CEP170: variants seen among roughly 807,000 people sequenced by gnomAD.
CEP170 encodes centrosomal protein of 170 kDa.
A neutral mutation model predicts 151.9 loss-of-function variants in CEP170; 21 were observed. The ratio of observed to expected loss-of-function variants is 0.14; its 90% CI spans 0.10 to 0.20. CEP170 has a LOEUF of 0.20. Among genes scored for constraint, CEP170 ranks in the 10% least tolerant of loss-of-function variants. The pLI, the probability that CEP170 is intolerant of heterozygous loss-of-function variation, is 1.00. For synonymous variants in CEP170, 356 were observed against 648.8 expected (o/e 0.55, Z 6.86); for missense variants, 964 against 1,892.9 (o/e 0.51, Z 9.11).
chr1:243,169,907 T>C (rs2058710515), intron 11 of CEP170, among the ~76,000 whole-genome samples, 153 bp from the exon 12 acceptor site: 1 of 152,136 alleles, frequency 6.6e-6, no homozygotes, highest in Non-Finnish European at 1.5e-5. Flanking sequence ...TTCTCTTATA[T>C]AAAATAAAAA....
intron 3 of CEP170, among the ~76,000 whole-genome samples, chr1:243,217,199 G>A (rs370345771): frequency 1.3e-5 from 2 of 152,128 alleles, no homozygotes; most frequent in African/African-American, 2.4e-5. Context: ...GTGGTCTGCC[G>A]TTATGGGATG....
In CEP170 at chr1:243,165,207, G is replaced by C; in HGVS notation, c.2753C>G (p.Pro918Arg). 6.2e-7 allele frequency: 1 copy of C among 1,613,302 alleles called. No homozygotes were observed. The highest frequency in any genetic ancestry group is 8.5e-7 in the Non-Finnish European group (1 of 1,179,592). ...LREDNKTDEGPDTPSYNRDNS... is the reference protein window; with the variant it reads ...LREDNKTDEGRDTPSYNRDNS... Reference sequence around the variant, plus strand: ...GTCTCTATTATAACTGGGAGTATCTGGTCCTTCATCAGTTTTATTATCTTC... The same window carrying C: ...GTCTCTATTATAACTGGGAGTATCTCGTCCTTCATCAGTTTTATTATCTTC... The change falls in exon 13 of 20, where the codon CCA becomes CGA. Residue 918 changes from proline (P) to arginine (R), a missense_variant. Physicochemically the swap from Pro to Arg is moderately radical, Grantham distance 103. Coordinates refer to ENST00000366542, the MANE Select transcript of CEP170 (RefSeq NM_014812.3).
Position 243,252,277 on chromosome 1 carries a change from T to C in CEP170, c.-42+2763A>G, listed in dbSNP as rs187294292. 3.3e-5 allele frequency among the ~76,000 whole-genome samples: 5 copies of C among 152,300 alleles called. No homozygotes were observed. In the East Asian group the frequency reaches 7.7e-4, roughly 23 times the overall value. ...ATCAGGTTGTCTGTCAGATACTTAG[T>C]TGAAGAGTACACTGCTTAACATCCC... On this transcript the variant is annotated intron_variant, in intron 1 of 19. Transcript: ENST00000366542.
At chr1:243,195,891 G>T (rs1275902204) in intron 7 of CEP170, among the ~76,000 whole-genome samples, 2 of 151,834 alleles carry the variant, frequency 1.3e-5, no homozygotes, top group Admixed American at 6.6e-5. Flanking sequence ...GAAAGCAAGT[G>T]AGAGTCTCTT....
chr1:243,173,028 A>C (rs2058968930), intron 10 of CEP170, among the ~76,000 whole-genome samples, 182 bp from the exon 11 acceptor site: 1 of 152,218 alleles, frequency 6.6e-6, no homozygotes. Flanking sequence ...GCTAGAAACG[A>C]AAGCAGGCAG....
intron 1 of CEP170, among the ~76,000 whole-genome samples, chr1:243,225,919 C>G (rs1414205291): frequency 1.3e-5 from 2 of 150,994 alleles, no homozygotes; most frequent in African/African-American, 4.9e-5. Context: ...CCCTTTTATA[C>G]TCTTTAAAAA....
chr1:243,225,029 G>A (rs568448625), intron 2 of CEP170, 147 bp downstream of exon 2: 1 of 442,886 alleles, frequency 2.3e-6, no homozygotes, highest in African/African-American at 2.0e-5. Context: ...GATTCAAGGG[G>A]GCAAAAAATT....
chr1:243,247,202 A>C lies in CEP170; in HGVS notation c.-42+7838T>G, dbSNP rs12091683. Among the ~76,000 whole-genome samples the C allele has an allele frequency of 5.1e-3, 778 of 152,308 alleles. 5 individuals carry two copies. The highest frequency in any genetic ancestry group is 0.018 in the African/African-American group (750 of 41,560). On this transcript the variant is annotated intron_variant, in intron 1 of 19. Coordinates refer to ENST00000366542, the MANE Select transcript of CEP170 (RefSeq NM_014812.3). ...CAGAAAAAAGTCAGTTAAAAGAAGA[A>C]AGTCTTCCTGGCTGGCCTAGGGAAA...
intron 17 of CEP170, among the ~76,000 whole-genome samples, chr1:243,129,900 T>C (rs1412135991): frequency 6.6e-6 from 1 of 152,028 alleles, no homozygotes; most frequent in Admixed American, 6.6e-5. Context: ...TCACATAACT[T>C]TTTTTTACAG....
chr1:243,249,612 C>G (rs1283463223), intron 1 of CEP170, among the ~76,000 whole-genome samples: 3 of 152,082 alleles, frequency 2.0e-5, no homozygotes, highest in African/African-American at 7.2e-5. Context: ...CACTTGAAAA[C>G]AAATGTAAAA....
intron 1 of CEP170, among the ~76,000 whole-genome samples, chr1:243,230,110 G>T (rs1469601487): frequency 6.6e-6 from 1 of 152,048 alleles, no homozygotes; most frequent in East Asian, 1.9e-4. Context: ...CTCCACTTTG[G>T]GAGGTGGAGG....
chr1:243,230,967 T>C (rs989899092), intron 1 of CEP170, among the ~76,000 whole-genome samples: 3 of 151,466 alleles, frequency 2.0e-5, no homozygotes, highest in Non-Finnish European at 4.4e-5. Context: ...CCTAAAGAAA[T>C]AGAAAGAATT....
At chr1:243,158,432 T>G (rs1485252393) in intron 13 of CEP170, among the ~76,000 whole-genome samples, 1 of 152,132 alleles carries the variant, frequency 6.6e-6, no homozygotes, top group African/African-American at 2.4e-5. Flanking sequence ...GCAGAACATA[T>G]GAAAACGTAA....
chr1:243,147,120 A>G (rs1429711396), intron 14 of CEP170, among the ~76,000 whole-genome samples: 1 of 152,214 alleles, frequency 6.6e-6, no homozygotes, highest in Middle Eastern at 3.2e-3. Flanking sequence ...CACTGCCTAC[A>G]AATAAAAATA....
chr1:243,127,612 A>G (rs1315570137), intron 19 of CEP170, among the ~76,000 whole-genome samples: 1 of 152,158 alleles, frequency 6.6e-6, no homozygotes, highest in Non-Finnish European at 1.5e-5. Flanking sequence ...TTTTGATAGG[A>G]TCCACATAAG....
In CEP170 at chr1:243,222,043, CAT is replaced by C. The variant is rs559038275; in HGVS notation, c.106-232_106-231del. On this transcript the variant is annotated intron_variant, in intron 2 of 19. Transcript: ENST00000366542. Reference sequence around the variant, plus strand: ...AAGATATTCTTTTCTACTAAATTCACATGTTCTATTAAGAATTTACATCAGCT... The same window carrying C: ...AAGATATTCTTTTCTACTAAATTCACGTTCTATTAAGAATTTACATCAGCT... 1.2e-3 allele frequency among the ~76,000 whole-genome samples: 177 copies of C among 152,264 alleles called. 1 individual carries two copies. The highest frequency in any genetic ancestry group is 2.1e-3 in the South Asian group (10 of 4,824).
At chr1:243,241,454 GATGAT>G (rs1283367480) in intron 1 of CEP170, among the ~76,000 whole-genome samples, 1 of 152,184 alleles carries the variant, frequency 6.6e-6, no homozygotes, top group African/African-American at 2.4e-5. Flanking sequence ...AAAAGAAGGT[GATGAT>G]ATGATGAGAG....
intron 8 of CEP170, among the ~76,000 whole-genome samples, chr1:243,189,449 G>A (rs1275666541): frequency 6.6e-6 from 1 of 151,388 alleles, no homozygotes; most frequent in African/African-American, 2.4e-5. Flanking sequence ...CCAGCTACTC[G>A]GGAGGCTGAG....
chr1:243,231,782 C>A (rs969262573), intron 1 of CEP170, among the ~76,000 whole-genome samples: 2 of 152,062 alleles, frequency 1.3e-5, no homozygotes, highest in African/African-American at 4.8e-5. Flanking sequence ...AGAAAAAACA[C>A]ATACAGAAGA....
Sources: allele counts gnomAD v4.1 joint callset (sites outside exome capture counted in the v4.1 genomes callset), GRCh38; gene constraint gnomAD v4.1.1; transcripts MANE v1.5; gene names NCBI Gene and HGNC (gene_info 2026-07-23, HGNC 2026-07-21).